Variants in POPDC3 observed in about 807,000 individuals in gnomAD.
POPDC3 encodes popeye domain-containing protein 3.
POPDC3 carries 20 observed loss-of-function variants against 28.2 expected under a neutral mutation model. That is an observed-to-expected ratio of 0.71 (90% CI 0.50 to 1.03). The LOEUF (loss-of-function observed/expected upper bound fraction) is 1.03, where lower values mean the gene tolerates loss of function less well. Among genes scored for constraint, POPDC3 ranks in the 50% least tolerant of loss-of-function variants. The probability of loss-of-function intolerance (pLI) is 0.00; values close to 1 mark genes in which losing one functional copy is unlikely to be tolerated. For missense variants in POPDC3, 316 were observed against 345.9 expected, an observed-to-expected ratio of 0.91 and a Z score of 0.69; for synonymous variants, 118 against 124.1, an observed-to-expected ratio of 0.95 and a Z score of 0.33.
chr6:105,176,408 A>G (rs374744708), intron 1 of POPDC3, among the ~76,000 whole-genome samples: 1 of 152,242 alleles, frequency 6.6e-6, no homozygotes, highest in Non-Finnish European at 1.5e-5. Context: ...ATTACAAAAA[A>G]TACACTGTTG....
chr6:105,158,372 A>G lies in POPDC3; in HGVS notation c.*98T>C, dbSNP rs1053653663. On this transcript the variant is annotated 3_prime_UTR_variant, in exon 4 of 4. Transcript: ENST00000254765. ...CATCTCGCTTCTGAATTTGATTTATAAAAACATTAGGGAGCTCTTTTTTTG... is the reference window on the plus strand; with the variant it reads ...CATCTCGCTTCTGAATTTGATTTATGAAAACATTAGGGAGCTCTTTTTTTG... 8 of 1,042,430 alleles carry G rather than the reference A, an allele frequency of 7.7e-6. No homozygotes were observed. In the African/African-American group the frequency reaches 1.1e-4, roughly 15 times the overall value. The allele number at this position is 1,042,430 out of a possible 1,614,324, so 64.6% of individuals were successfully genotyped here. A position where few individuals can be genotyped will look rare whatever the true frequency, so the allele number is the denominator to read the frequency against.
chr6:105,170,568 G>A (rs2114541698), intron 1 of POPDC3, among the ~76,000 whole-genome samples: 1 of 152,284 alleles, frequency 6.6e-6, no homozygotes, highest in South Asian at 2.1e-4. Context: ...GACTCTTTTA[G>A]TAGAGAGAAT....
intron 1 of POPDC3, chr6:105,166,828 G>A (rs1238444663): frequency 9.3e-6 from 3 of 322,032 alleles, no homozygotes; most frequent in African/African-American, 6.6e-5. Flanking sequence ...TTTTCAGTTG[G>A]GTTACATATT....
rs193002399 is a variant in POPDC3, at chr6:105,162,030, G to A, written c.-121C>T. 3,553 of 1,498,562 alleles carry A rather than the reference G, an allele frequency of 2.4e-3. 5 individuals are homozygous for A. Among genetic ancestry groups the A allele is most frequent in the Non-Finnish European group, 2.5e-3 (2,853 of 1,132,484 alleles). 92.8% of individuals were successfully genotyped at this position (1,498,562 alleles called of 1,614,324 possible). ...CAGTCTTCACAAAACCAGAGAAAAC[G>A]GACACTGGAGTTGATGCTGATTAAA... On this transcript the variant is annotated 5_prime_UTR_variant, in exon 2 of 4. Coordinates refer to ENST00000254765, the MANE Select transcript of POPDC3 (RefSeq NM_022361.5).
intron 1 of POPDC3, among the ~76,000 whole-genome samples, chr6:105,176,238 A>G (rs75641051): frequency 0.011 from 1,728 of 152,334 alleles, 36 homozygotes; most frequent in African/African-American, 0.04. Context: ...CACAACCAGA[A>G]GAGGTTCACA....
At chr6:105,173,025 TTAAAG>T (rs1252612503) in intron 1 of POPDC3, among the ~76,000 whole-genome samples, 2 of 152,074 alleles carry the variant, frequency 1.3e-5, no homozygotes, top group Non-Finnish European at 2.9e-5. Context: ...ACCCTAAAAC[TTAAAG>T]TATAATAAAA....
At chr6:105,170,228 T>A (rs1774549127) in intron 1 of POPDC3, among the ~76,000 whole-genome samples, 1 of 152,190 alleles carries the variant, frequency 6.6e-6, no homozygotes, top group Admixed American at 6.5e-5. Flanking sequence ...CAGGAAGCCA[T>A]TCCCTTTTGA....
At chr6:105,161,387 T>TA in intron 2 of POPDC3, 38 bp downstream of exon 2, 1 of 1,581,196 alleles carries the variant, frequency 6.3e-7, no homozygotes, top group South Asian at 1.2e-5. Context: ...AAACAACTAA[T>TA]ACTTGAGGAA....
At chr6:105,177,188 C>T (rs1050164605) in intron 1 of POPDC3, 5 of 153,546 alleles carry the variant, frequency 3.3e-5, no homozygotes, top group African/African-American at 1.2e-4. Context: ...TTCTCCAGGA[C>T]CAGTCGCTGC....
At chr6:105,176,747 CG>C (rs1274239565) in intron 1 of POPDC3, among the ~76,000 whole-genome samples, 3 of 151,830 alleles carry the variant, frequency 2.0e-5, no homozygotes, top group Non-Finnish European at 4.4e-5. Flanking sequence ...AGTAGAGACA[CG>C]GGGTTTCACC....
intron 1 of POPDC3, among the ~76,000 whole-genome samples, chr6:105,175,907 T>C (rs569546588): frequency 3.3e-5 from 5 of 152,124 alleles, no homozygotes; most frequent in East Asian, 1.9e-4. Context: ...CTATAGGTAA[T>C]GTAAGAGTGC....
chr6:105,171,757 A>G lies in POPDC3; in HGVS notation c.-252+8076T>C, dbSNP rs1300112273. Among the ~76,000 whole-genome samples the G allele has an allele frequency of 3.5e-5, 5 of 141,752 alleles. 1 individual carries two copies. Among genetic ancestry groups the G allele is most frequent in the Non-Finnish European group, 6.3e-5 (4 of 63,656 alleles). 93.0% of individuals were successfully genotyped at this position (141,752 alleles called of 152,430 possible). On this transcript the variant is annotated intron_variant, in intron 1 of 3. Coordinates refer to ENST00000254765, the MANE Select transcript of POPDC3 (RefSeq NM_022361.5). ...TTAGTGAAATTCCAATGTTAACACT[A>G]TTTAAGTCCAGTTTTCAAAACTGTG...
chr6:105,163,718 T>C (rs1774399487), intron 1 of POPDC3: 1 of 152,102 alleles, frequency 6.6e-6, no homozygotes, highest in Admixed American at 6.6e-5. Context: ...TGATTTTTCA[T>C]CTTGGATAGT....
intron 1 of POPDC3, among the ~76,000 whole-genome samples, chr6:105,176,135 T>G (rs1774678859): frequency 1.3e-5 from 2 of 152,304 alleles, no homozygotes; most frequent in South Asian, 4.1e-4. Flanking sequence ...TTAAAAAGCA[T>G]ATATAGTATC....
At chr6:105,163,680 G>C (rs1296867326) in intron 1 of POPDC3, 2 of 151,932 alleles carry the variant, frequency 1.3e-5, no homozygotes, top group African/African-American at 4.8e-5. Context: ...AGTAGAAATG[G>C]AAATAAAGGA....
intron 2 of POPDC3, 190 bp from the exon 3 acceptor site, chr6:105,160,009 T>C (rs190258745): frequency 8.5e-6 from 4 of 468,762 alleles, no homozygotes; most frequent in African/African-American, 5.9e-5. Flanking sequence ...CATGTTATCA[T>C]GTTCCTTATA....
At position 105,157,970 on chromosome 6, in the gene POPDC3, A is replaced by AT. The variant is rs1287519568; in HGVS notation, c.*499dup. Reference sequence around the variant, plus strand: ...AGATTCACATATTATTATCTCTTGCATTTATTCTACTTTTTAGTCGCATCA... The same window carrying AT: ...AGATTCACATATTATTATCTCTTGCATTTTATTCTACTTTTTAGTCGCATCA... On this transcript the variant is annotated 3_prime_UTR_variant, in exon 4 of 4. Transcript: ENST00000254765. Among the ~76,000 whole-genome samples, 1 of 151,900 alleles carries AT rather than the reference A, an allele frequency of 6.6e-6. No individual in the cohort carries two copies. The highest frequency in any genetic ancestry group is 2.4e-5 in the African/African-American group (1 of 41,396).
chr6:105,165,629 G>A (rs1774440551), intron 1 of POPDC3, among the ~76,000 whole-genome samples: 1 of 152,184 alleles, frequency 6.6e-6, no homozygotes, highest in Non-Finnish European at 1.5e-5. Flanking sequence ...AAAACACAGA[G>A]GAGCTGGGGC....
rs1401858890 is a variant in POPDC3, at chr6:105,161,910, G to A, written c.-1C>T. 6.3e-7 allele frequency: 1 copy of A among 1,592,970 alleles called. No homozygotes were observed. Among genetic ancestry groups the A allele is most frequent in the Non-Finnish European group, 8.5e-7 (1 of 1,171,030 alleles). On this transcript the variant is annotated 5_prime_UTR_variant, in exon 2 of 4. Transcript: ENST00000254765. ...TCCATAAACTTGAATTTCTTTCCAT[G>A]GCTGTATTACTGCCTGCTTCACTTT... is the stretch of plus-strand genomic sequence containing the variant.
Sources: gnomAD v4.1 joint callset for allele counts (sites outside exome capture counted in the v4.1 genomes callset) on GRCh38, gnomAD v4.1.1 for gene constraint, MANE v1.5 for transcripts, NCBI Gene and HGNC (gene_info 2026-07-23, HGNC 2026-07-21) for gene names.